CEBPZ: variants seen among roughly 807,000 people sequenced by gnomAD.
CEBPZ encodes the protein CCAAT/enhancer-binding protein zeta.
A neutral mutation model predicts 104.5 loss-of-function variants in CEBPZ; 78 were observed. That is an observed-to-expected ratio of 0.75 (90% confidence interval 0.62 to 0.90). The LOEUF is 0.90. Ranked by LOEUF, CEBPZ falls within the 40% of genes least tolerant of loss-of-function variation. The pLI is 0.00. For missense variants in CEBPZ, 1,439 were observed against 1,233.5 expected, an observed-to-expected ratio of 1.17 and a Z score of -2.50; for synonymous variants, 470 against 427.0, an observed-to-expected ratio of 1.10 and a Z score of -1.24.
chr2:37,213,861 TA>T lies in CEBPZ; in HGVS notation c.2545+2del. On this transcript the variant is annotated splice_donor_variant, in intron 10 of 15. Transcript: ENST00000234170. LOFTEE classifies it high-confidence loss of function. The stretch of plus-strand genomic sequence containing the variant: ...TTTACAAAGAGTCAACAAAACAAAT[TA>T]CCAATCAGCTCTTCAAATTCTTCAT... The T allele has an allele frequency of 6.3e-7, 1 of 1,591,230 alleles. No individual in the cohort carries two copies. The highest frequency in any genetic ancestry group is 2.3e-5 in the East Asian group (1 of 44,112).
rs1159883893 is a variant in CEBPZ, at chr2:37,231,508, C to A, written c.60G>T (p.Glu20Asp). Residue 20 changes from glutamate (E) to aspartate (D), a missense_variant, in exon 1 of 16, where the codon GAG (glutamate) becomes GAT (aspartate). Glu to Asp is a conservative substitution (Grantham distance 45). Coordinates refer to ENST00000234170, the MANE Select transcript of CEBPZ (RefSeq NM_005760.3). ...FHAKRPWRPE[E>D]AVEDPDEEDE... ...CCTCCTCGTCCGGATCTTCTACTGCCTCCTCGGGGCGCCAAGGCCGCTTGG... is the reference window on the plus strand; with the variant it reads ...CCTCCTCGTCCGGATCTTCTACTGCATCCTCGGGGCGCCAAGGCCGCTTGG... 6.2e-7 allele frequency: 1 copy of A among 1,614,126 alleles called. No individual in the cohort carries two copies. Among genetic ancestry groups the A allele is most frequent in the Non-Finnish European group, 8.5e-7 (1 of 1,180,050 alleles).
intron 9 of CEBPZ, 106 bp downstream of exon 9, chr2:37,214,777 CAGT>C (rs1677828178): frequency 3.0e-6 from 2 of 668,990 alleles, no homozygotes; most frequent in East Asian, 2.8e-5. Flanking sequence ...TATTTACACA[CAGT>C]AGTAGATTAT....
At position 37,227,552 on chromosome 2, in the gene CEBPZ, T is replaced by C. The variant is rs746794590; in HGVS notation, c.1641A>G (p.Ala547=). 1.9e-6 allele frequency: 3 copies of C among 1,607,210 alleles called. No homozygotes were observed. The highest frequency in any genetic ancestry group is 1.7e-4 in the Middle Eastern group (1 of 6,016). Residue 547 remains alanine, a synonymous_variant, in exon 2 of 16, where the codon GCA becomes GCG. Coordinates refer to ENST00000234170, the MANE Select transcript of CEBPZ (RefSeq NM_005760.3). ...QQTISDRYYT[A]LYRKMLDPGL... is the part of the protein sequence containing the mutation. The stretch of plus-strand genomic sequence containing the variant: ...GAAGGGTATGTTCTTACCTGTATAA[T>C]GCTGTGTAATATCGATCCGATATTG...
chr2:37,212,480 G>A, intron 10 of CEBPZ, 88 bp from the exon 11 acceptor site: 2 of 1,143,804 alleles, frequency 1.7e-6, no homozygotes, highest in Non-Finnish European at 1.3e-6. Context: ...TCTAAGTCAT[G>A]ATTCTGCTGT....
At chr2:37,207,194 CAAT>C (rs1677568233) in intron 13 of CEBPZ, among the ~76,000 whole-genome samples, 1 of 152,098 alleles carries the variant, frequency 6.6e-6, no homozygotes. Context: ...GATGGCAACA[CAAT>C]AATAGTGGGT....
intron 13 of CEBPZ, among the ~76,000 whole-genome samples, chr2:37,208,215 A>C (rs1677603694): frequency 6.6e-6 from 1 of 152,210 alleles, no homozygotes; most frequent in Admixed American, 6.5e-5. Flanking sequence ...GAATTCTATC[A>C]GACATTCAAA....
chr2:37,223,018 G>A, intron 3 of CEBPZ, 152 bp downstream of exon 3: 1 of 646,034 alleles, frequency 1.5e-6, no homozygotes, highest in Non-Finnish European at 2.7e-6. Context: ...AAACTGTACA[G>A]CTGGTACTAA....
At chr2:37,219,183 T>G (rs898722487) in intron 5 of CEBPZ, among the ~76,000 whole-genome samples, 1 of 152,266 alleles carries the variant, frequency 6.6e-6, no homozygotes, top group Admixed American at 6.5e-5. Flanking sequence ...ATAACCAGTT[T>G]GTCAGTCTTT....
At chr2:37,219,091 A>T (rs915723255) in intron 5 of CEBPZ, among the ~76,000 whole-genome samples, 1 of 152,176 alleles carries the variant, frequency 6.6e-6, no homozygotes, top group Non-Finnish European at 1.5e-5. Context: ...TTATTTTTGA[A>T]TTTTATTGCT....
chr2:37,231,325 G>A (rs750777980), intron 1 of CEBPZ, 87 bp downstream of exon 1: 2 of 1,573,792 alleles, frequency 1.3e-6, no homozygotes, highest in East Asian at 2.2e-5. Flanking sequence ...CGCGCTCTAC[G>A]CAGCGCGGAA....
At chr2:37,225,254 A>C (rs1397559563) in intron 2 of CEBPZ, among the ~76,000 whole-genome samples, 1 of 152,206 alleles carries the variant, frequency 6.6e-6, no homozygotes, top group Non-Finnish European at 1.5e-5. Flanking sequence ...GTGGACCTGG[A>C]CTTGCCACCT....
Position 37,203,007 on chromosome 2 carries a change from C to G in CEBPZ, c.2886G>C (p.Gly962=). ...TTAAGTTTCTTTTCTTTTTTCTTGGCCCTAAAAAAAATTGTAAGTCTACAT... is the reference window on the plus strand; with the variant it reads ...TTAAGTTTCTTTTCTTTTTTCTTGGGCCTAAAAAAAATTGTAAGTCTACAT... ...DDFDFAGSFQ[G]PRKKKRNLND... Residue 962 remains glycine (G), a splice_region_variant and synonymous_variant, in exon 14 of 16, where the codon GGG becomes GGC. Coordinates refer to ENST00000234170, the MANE Select transcript of CEBPZ (RefSeq NM_005760.3). 2 of 1,535,872 alleles carry G rather than the reference C, an allele frequency of 1.3e-6. No homozygotes were observed. The highest frequency in any genetic ancestry group is 2.6e-5 in the South Asian group (2 of 76,930).
intron 10 of CEBPZ, 183 bp downstream of exon 10, chr2:37,213,681 T>TG (rs1677796508): frequency 2.0e-6 from 1 of 494,056 alleles, no homozygotes; most frequent in South Asian, 2.4e-5. Context: ...GCCAAAGTGC[T>TG]GGGATTACAG....
chr2:37,203,633 T>C (rs772075553), intron 13 of CEBPZ: 1 of 152,210 alleles, frequency 6.6e-6, no homozygotes, highest in East Asian at 1.9e-4. Flanking sequence ...TTAACGCATT[T>C]TGGTAAATTT....
In CEBPZ at chr2:37,227,926, C is replaced by G. The variant is rs148682281; in HGVS notation, c.1267G>C (p.Glu423Gln). Residue 423 changes from glutamate (E) to glutamine (Q), a missense_variant, in exon 2 of 16, where the codon GAA becomes CAA. Transcript: ENST00000234170. ...HPNMKGVVSG[E>Q]VERLLFRSNI... ...GAGCGGAAGAGTAGCCTTTCTACTT[C>G]ACCAGACACAACTCCTTTCATATTG... The G allele has an allele frequency of 1.2e-6, 2 of 1,614,206 alleles. No homozygotes were observed. The highest frequency in any genetic ancestry group is 1.1e-5 in the South Asian group (1 of 91,084).
At chr2:37,231,345 C>T (rs1665089344) in intron 1 of CEBPZ, 67 bp downstream of exon 1, 6 of 1,587,646 alleles carry the variant, frequency 3.8e-6, no homozygotes, top group Admixed American at 3.5e-5. Context: ...AGCGGCGGGG[C>T]AGTCAGCCTA....
intron 2 of CEBPZ, among the ~76,000 whole-genome samples, chr2:37,225,039 A>AAAACAAAC (rs66609313): frequency 1.9e-4 from 29 of 151,182 alleles, no homozygotes; most frequent in East Asian, 9.8e-4. Context: ...ACCCCCCTTC[A>AAAACAAAC]AAACAAACAA....
intron 5 of CEBPZ, among the ~76,000 whole-genome samples, chr2:37,217,382 C>A (rs917120615): frequency 6.6e-6 from 1 of 152,064 alleles, no homozygotes; most frequent in African/African-American, 2.4e-5. Flanking sequence ...GCCTGGGTGA[C>A]AGAGTGAGAC....
chr2:37,222,092 T>C (rs1364943395), intron 4 of CEBPZ, among the ~76,000 whole-genome samples: 1 of 152,194 alleles, frequency 6.6e-6, no homozygotes, highest in Non-Finnish European at 1.5e-5. Flanking sequence ...GAGACCAGCC[T>C]GGCGAACATG....
Sources: gnomAD v4.1 joint callset for allele counts (sites outside exome capture counted in the v4.1 genomes callset) on GRCh38, gnomAD v4.1.1 for gene constraint, MANE v1.5 for transcripts, NCBI Gene and HGNC (gene_info 2026-07-23, HGNC 2026-07-21) for gene names.